SACS: variants seen among roughly 807,000 people sequenced by gnomAD.
The protein encoded by SACS is sacsin molecular chaperone.
A neutral mutation model predicts 348.0 loss-of-function variants in SACS; 197 were observed. The ratio of observed to expected loss-of-function variants is 0.57; its 90% CI spans 0.50 to 0.64. SACS has a LOEUF of 0.64. Among genes scored for constraint, SACS ranks in the 30% least tolerant of loss-of-function variants. SACS has a pLI of 0.00. For synonymous variants in SACS, 1,985 were observed against 1,910.6 expected (o/e 1.04, Z -1.02); for missense variants, 4,999 against 5,360.8 (o/e 0.93, Z 2.11).
chr13:23,423,305 A>C (rs1874030701), intron 1 of SACS, among the ~76,000 whole-genome samples: 1 of 152,242 alleles, frequency 6.6e-6, no homozygotes, highest in South Asian at 2.1e-4. Flanking sequence ...GCTGTCTCAC[A>C]TCACTGAATG....
intron 2 of SACS, among the ~76,000 whole-genome samples, chr13:23,403,886 C>G (rs1317675551): frequency 6.6e-6 from 1 of 152,184 alleles, no homozygotes; most frequent in Non-Finnish European, 1.5e-5. Flanking sequence ...GCATTTAGTG[C>G]TATAAATTTC....
chr13:23,331,867 C>T lies in SACS; in HGVS notation c.12009G>A (p.Gln4003=), dbSNP rs1001397777. The T allele has an allele frequency of 6.2e-7, 1 of 1,613,912 alleles. No individual in the cohort carries two copies. Among genetic ancestry groups the T allele is most frequent in the Non-Finnish European group, 8.5e-7 (1 of 1,179,942 alleles). Residue 4003 remains glutamine (Q), a synonymous_variant, in exon 10 of 10, where the codon CAG becomes CAA. Transcript: ENST00000382292. ...TGAACTGTTCAGAAGACAAGAGTAA[C>T]TGCAATCTTCCTTGAAGAGAACACA... ...GALCSLQGRL[Q]LLLSSEQFIT...
Position 23,354,693 on chromosome 13 carries a change from T to C in SACS, c.1919A>G (p.His640Arg). 6.2e-7 allele frequency: 1 copy of C among 1,614,116 alleles called. No individual in the cohort carries two copies. The highest frequency in any genetic ancestry group is 8.5e-7 in the Non-Finnish European group (1 of 1,179,984). ...AAGCTTTTCTTCAGCACAGCCCAGG[T>C]GTGCACACTTCCGCAGCACCTGCCG... ...WVRQVLRKCAHLGCAEEKLHL... is the reference protein window; with the variant it reads ...WVRQVLRKCARLGCAEEKLHL... The change falls in exon 8 of 10, where the codon CAC becomes CGC. Residue 640 changes from histidine to arginine, a missense_variant. Around this residue, in one of 6 missense-constraint regions of SACS, gnomAD observed 3,156 missense variants for 3,380.1 expected, o/e 0.93. Coordinates refer to ENST00000382292, the MANE Select transcript of SACS (RefSeq NM_014363.6).
chr13:23,330,930 G>T lies in SACS; in HGVS notation c.12946C>A (p.Gln4316Lys). 2 of 1,614,030 alleles carry T rather than the reference G, an allele frequency of 1.2e-6. No homozygotes were observed. The highest frequency in any genetic ancestry group is 2.2e-5 in the South Asian group (2 of 91,084). Residue 4316 changes from glutamine (Q) to lysine (K), a missense_variant, in exon 10 of 10, where the codon CAA becomes AAA. This residue lies in a region of SACS where 831 missense variants were observed against 941.8 expected (regional missense o/e 0.88). Coordinates refer to ENST00000382292, the MANE Select transcript of SACS (RefSeq NM_014363.6). ...TCCGATTCTGGAAGCTTCCATGCTT[G>T]CTCCACCACAGATGTCACTTCTTTT... is the stretch of plus-strand genomic sequence containing the variant. ...ILKEVTSVVEQAWKLPESERK... is the reference protein window; with the variant it reads ...ILKEVTSVVEKAWKLPESERK...
At chr13:23,362,227 G>C (rs1345449066) in intron 6 of SACS, among the ~76,000 whole-genome samples, 1 of 152,166 alleles carries the variant, frequency 6.6e-6, no homozygotes, top group Non-Finnish European at 1.5e-5. Flanking sequence ...GCAGCACAGA[G>C]GGACTCTCCG....
intron 2 of SACS, among the ~76,000 whole-genome samples, chr13:23,385,747 C>A (rs763215671): frequency 1.3e-5 from 2 of 152,184 alleles, no homozygotes; most frequent in Non-Finnish European, 2.9e-5. Flanking sequence ...AGAGGAATCA[C>A]TATCTATGGC....
At chr13:23,428,235 G>GA (rs1169642412) in intron 1 of SACS, 1 of 152,126 alleles carries the variant, frequency 6.6e-6, no homozygotes, top group Non-Finnish European at 1.5e-5. Flanking sequence ...GCTGACCCTT[G>GA]AAAGCCGCTA....
In SACS at chr13:23,328,921, G is replaced by A. The variant is rs1457495727; in HGVS notation, c.*1215C>T. The stretch of plus-strand genomic sequence containing the variant: ...ATTTCACATCCAGAAGCAATAAAAT[G>A]TGGAGGTGCAAACATTCCTTATTCC... On this transcript the variant is annotated 3_prime_UTR_variant, in exon 10 of 10. Coordinates refer to ENST00000382292, the MANE Select transcript of SACS (RefSeq NM_014363.6). 2.0e-5 allele frequency: 3 copies of A among 152,694 alleles called. No homozygotes were observed. The highest frequency in any genetic ancestry group is 4.4e-5 in the Non-Finnish European group (3 of 68,080). The allele number at this position is 152,694 out of a possible 1,614,324, so 9.5% of individuals were successfully genotyped here. A position where few individuals can be genotyped will look rare whatever the true frequency, so the allele number is the denominator to read the frequency against.
At chr13:23,403,515 T>C (rs1220146124) in intron 2 of SACS, among the ~76,000 whole-genome samples, 1 of 152,232 alleles carries the variant, frequency 6.6e-6, no homozygotes, top group Non-Finnish European at 1.5e-5. Context: ...CCATCTTCTC[T>C]ACATTTTCTA....
rs116907814 is a variant in SACS at position 23,355,802 on chromosome 13, A to G, written c.810T>C (p.Phe270=). 6.2e-7 allele frequency: 1 copy of G among 1,614,220 alleles called. No individual in the cohort carries two copies. Among genetic ancestry groups the G allele is most frequent in the Non-Finnish European group, 8.5e-7 (1 of 1,180,038 alleles). ...GTTGTAGGCGAAGAGGGAAACGGAA[A>G]AATGTTCCTGGAAAATTGCCGTTTA... ...TFINGNFPGT[F]FRFPLRLQPS... Residue 270 remains phenylalanine (F), a synonymous_variant, in exon 8 of 10, where the codon TTT becomes TTC. Transcript: ENST00000382292.
Position 23,340,694 on chromosome 13 carries a change from A to ATATCAGG in SACS, c.3181_3182insCCTGATA (p.Leu1061ProfsTer2). The stretch of plus-strand genomic sequence containing the variant: ...TTCTTCATTACAAAAGAGATCCTTT[A>ATATCAGG]GTACTTCTATATCAGGGTCAAAGAG... On this transcript the variant is annotated stop_gained and frameshift_variant, in exon 10 of 10. Coordinates refer to ENST00000382292, the MANE Select transcript of SACS (RefSeq NM_014363.6). LOFTEE classifies it high-confidence loss of function. 1 of 1,591,230 alleles carries ATATCAGG rather than the reference A, an allele frequency of 6.3e-7. No individual in the cohort carries two copies. The highest frequency in any genetic ancestry group is 8.5e-7 in the Non-Finnish European group (1 of 1,172,046).
In SACS at chr13:23,428,369, G is replaced by T. The variant is rs144602000; in HGVS notation, c.-502+5246C>A. On this transcript the variant is annotated intron_variant, in intron 1 of 9. Transcript: ENST00000382292. ...TCAGGAGAAAATATGAGTCAGCAAA[G>T]ACTAAATTGGTTTAAAAATAGAATA... is the stretch of plus-strand genomic sequence containing the variant. 27 of 152,256 alleles carry T rather than the reference G, an allele frequency of 1.8e-4. No homozygotes were observed. In the East Asian group the frequency reaches 4.6e-3, roughly 26 times the overall value. The allele number at this position is 152,256 out of a possible 1,614,324, so 9.4% of individuals were successfully genotyped here.
chr13:23,333,731 T>C lies in SACS; in HGVS notation c.10145A>G (p.Asn3382Ser). 6.2e-7 allele frequency: 1 copy of C among 1,613,802 alleles called. No individual in the cohort carries two copies. Among genetic ancestry groups the C allele is most frequent in the Non-Finnish European group, 8.5e-7 (1 of 1,179,782 alleles). Residue 3382 changes from asparagine to serine, a missense_variant, in exon 10 of 10, where the codon AAT (asparagine) becomes AGT (serine). Asn to Ser is a conservative substitution (Grantham distance 46). Transcript: ENST00000382292. ...STFRAEKLVE[N>S]DFEALLMYFN... ...ATACATCAAAAGTGCCTCAAAATCA[T>C]TTTCTACTAATTTTTCTGCTCTAAA...
At chr13:23,349,272 G>C (rs143363696) in intron 9 of SACS, among the ~76,000 whole-genome samples, 95 of 152,308 alleles carry the variant, frequency 6.2e-4, no homozygotes, top group African/African-American at 2.1e-3. Context: ...ACAGATCCTG[G>C]AGACTGTGGG....
intron 5 of SACS, among the ~76,000 whole-genome samples, 171 bp from the exon 6 acceptor site, chr13:23,365,448 A>G (rs1593153694): frequency 6.6e-6 from 1 of 152,352 alleles, no homozygotes; most frequent in African/African-American, 2.4e-5. Flanking sequence ...TAATTGTTAC[A>G]TAGATGTGAC....
chr13:23,357,334 AATAT>A, intron 7 of SACS, among the ~76,000 whole-genome samples: 1 of 152,330 alleles, frequency 6.6e-6, no homozygotes, highest in Non-Finnish European at 1.5e-5. Flanking sequence ...GTCATATTTT[AATAT>A]ATAATTTAAT....
chr13:23,405,038 T>G (rs1873145585), intron 2 of SACS, among the ~76,000 whole-genome samples: 1 of 152,188 alleles, frequency 6.6e-6, no homozygotes, highest in African/African-American at 2.4e-5. Flanking sequence ...TTGATTTTCT[T>G]CAAATAATTA....
rs142802194 is a variant in SACS, at chr13:23,412,629, G to C, written c.-501-889C>G. On this transcript the variant is annotated intron_variant, in intron 1 of 9. Coordinates refer to ENST00000382292, the MANE Select transcript of SACS (RefSeq NM_014363.6). ...GGGTTTTGCCCTGTTGGCCAGGCTGGTCTTGAACTTTTGACCTCAAGTGAT... is the reference window on the plus strand; with the variant it reads ...GGGTTTTGCCCTGTTGGCCAGGCTGCTCTTGAACTTTTGACCTCAAGTGAT... Among the ~76,000 whole-genome samples, 370 of 152,190 alleles carry C rather than the reference G, an allele frequency of 2.4e-3. 2 individuals carry two copies. Among genetic ancestry groups the C allele is most frequent in the African/African-American group, 8.5e-3 (351 of 41,530 alleles).
chr13:23,429,828 T>C (rs1874364132), intron 1 of SACS, among the ~76,000 whole-genome samples: 1 of 152,178 alleles, frequency 6.6e-6, no homozygotes, highest in Non-Finnish European at 1.5e-5. Context: ...TTACTATTCT[T>C]AGCAGGGACT....
Sources: allele counts gnomAD v4.1 joint callset (sites outside exome capture counted in the v4.1 genomes callset), GRCh38; gene constraint gnomAD v4.1.1; regional missense constraint gnomAD v4.1.1; transcripts MANE v1.5; gene names NCBI Gene and HGNC (gene_info 2026-07-23, HGNC 2026-07-21).